The following KSR2 variants were observed in gnomAD, a reference collection of about 807,000 sequenced individuals.
KSR2 encodes the protein kinase suppressor of ras 2.
A neutral mutation model predicts 107.8 loss-of-function variants in KSR2; 25 were observed. The ratio of observed to expected loss-of-function variants is 0.23; its 90% CI spans 0.17 to 0.32. The LOEUF (loss-of-function observed/expected upper bound fraction) is 0.32, where lower values mean the gene tolerates loss of function less well. Ranked by LOEUF, KSR2 falls within the 10% of genes least tolerant of loss-of-function variation. The pLI, the probability that KSR2 is intolerant of heterozygous loss-of-function variation, is 1.00. For missense variants in KSR2, 887 were observed against 1,268.9 expected (o/e 0.70, Z 4.57); for synonymous variants, 480 against 507.0 (o/e 0.95, Z 0.71).
chr12:117,905,193 A>C (rs1303112854), intron 1 of KSR2, among the ~76,000 whole-genome samples: 1 of 152,182 alleles, frequency 6.6e-6, no homozygotes, highest in East Asian at 1.9e-4. Flanking sequence ...AAAATAACAT[A>C]ACATAACAAA....
chr12:117,664,129 C>T (rs1299414262), intron 5 of KSR2, among the ~76,000 whole-genome samples: 1 of 152,188 alleles, frequency 6.6e-6, no homozygotes, highest in Non-Finnish European at 1.5e-5. Flanking sequence ...TGAGCGAAGG[C>T]TCCTGCCATT....
chr12:117,964,369 C>A (rs1433988888), intron 1 of KSR2, among the ~76,000 whole-genome samples: 1 of 152,204 alleles, frequency 6.6e-6, no homozygotes, highest in Non-Finnish European at 1.5e-5. Context: ...TTAACTCAAC[C>A]CTTCCCAAAC....
At chr12:117,905,454 GC>G (rs1317743340) in intron 1 of KSR2, among the ~76,000 whole-genome samples, 1 of 152,104 alleles carries the variant, frequency 6.6e-6, no homozygotes, top group African/African-American at 2.4e-5. Context: ...ATCACTTCAT[GC>G]ACCATCAGTG....
intron 4 of KSR2, among the ~76,000 whole-genome samples, chr12:117,675,311 A>G (rs1885071244): frequency 6.6e-6 from 1 of 152,166 alleles, no homozygotes; most frequent in Admixed American, 6.5e-5. Flanking sequence ...TCCCACCTCA[A>G]GCAAGGACTA....
intron 3 of KSR2, among the ~76,000 whole-genome samples, chr12:117,848,518 G>A (rs1470776431): frequency 6.6e-6 from 1 of 152,218 alleles, no homozygotes; most frequent in Non-Finnish European, 1.5e-5. Flanking sequence ...CCAGGGAATG[G>A]TAGGTTACCT....
At chr12:117,743,129 C>A (rs1565991722) in intron 4 of KSR2, among the ~76,000 whole-genome samples, 1 of 152,258 alleles carries the variant, frequency 6.6e-6, no homozygotes. Context: ...CCCATACAAT[C>A]CAATTCGCCA....
chr12:117,776,292 C>T (rs886905058), intron 3 of KSR2, among the ~76,000 whole-genome samples: 1 of 152,136 alleles, frequency 6.6e-6, no homozygotes, highest in African/African-American at 2.4e-5. Flanking sequence ...TGATTATCAT[C>T]ATTCATTGGA....
chr12:117,761,537 A>G lies in KSR2; in HGVS notation c.473-13T>C. On this transcript the variant is annotated splice_polypyrimidine_tract_variant and intron_variant, in intron 3 of 19. Transcript: ENST00000339824. ...GAAAGGTTGCCTCCTGAGTTGGAAC[A>G]GAAGAGCAGAGACAATGGGTAAGCC... 1 of 1,612,922 alleles carries G rather than the reference A, an allele frequency of 6.2e-7. No homozygotes were observed. The highest frequency in any genetic ancestry group is 8.5e-7 in the Non-Finnish European group (1 of 1,179,760).
chr12:117,477,486 G>C (rs1263728083), intron 16 of KSR2, among the ~76,000 whole-genome samples: 2 of 152,194 alleles, frequency 1.3e-5, no homozygotes, highest in East Asian at 3.8e-4. Context: ...AGTAGGGAAA[G>C]AAGACAACAA....
chr12:117,736,937 C>T (rs1012196458), intron 4 of KSR2, among the ~76,000 whole-genome samples: 1 of 152,176 alleles, frequency 6.6e-6, no homozygotes, highest in African/African-American at 2.4e-5. Context: ...ACCAAGAACC[C>T]GGCTCCATGG....
chr12:117,621,392 A>T (rs1021117238), intron 5 of KSR2, among the ~76,000 whole-genome samples: 3 of 152,196 alleles, frequency 2.0e-5, no homozygotes, highest in African/African-American at 7.2e-5. Context: ...AAGAAAGATT[A>T]AAAGCACAGG....
intron 3 of KSR2, among the ~76,000 whole-genome samples, chr12:117,777,107 T>TAC (rs35481254): frequency 0.082 from 5,439 of 66,084 alleles, 140 homozygotes; most frequent in East Asian, 0.31. Context: ...TATATATATA[T>TAC]ACACACACAC....
intron 5 of KSR2, among the ~76,000 whole-genome samples, chr12:117,639,104 T>C (rs919517715): frequency 1.3e-5 from 2 of 152,130 alleles, no homozygotes; most frequent in Non-Finnish European, 2.9e-5. Flanking sequence ...CCACTTAGTT[T>C]TTGAAAATAT....
intron 1 of KSR2, among the ~76,000 whole-genome samples, chr12:117,931,825 C>T (rs986725845): frequency 6.6e-6 from 1 of 152,180 alleles, no homozygotes; most frequent in Non-Finnish European, 1.5e-5. Flanking sequence ...ACATTGAGTG[C>T]CTGTCACATA....
chr12:117,879,357 A>G (rs1893958379), intron 1 of KSR2, among the ~76,000 whole-genome samples: 2 of 152,184 alleles, frequency 1.3e-5, no homozygotes, highest in African/African-American at 2.4e-5. Context: ...ATGTATTTTA[A>G]ATTGAAATTC....
At chr12:117,921,834 C>T (rs145291379) in intron 1 of KSR2, among the ~76,000 whole-genome samples, 21 of 152,064 alleles carry the variant, frequency 1.4e-4, no homozygotes, top group African/African-American at 4.8e-4. Flanking sequence ...TCAGAATGTA[C>T]CCACGAGAAG....
chr12:117,863,864 C>G (rs1423117844), intron 1 of KSR2, among the ~76,000 whole-genome samples: 1 of 152,144 alleles, frequency 6.6e-6, no homozygotes, highest in Admixed American at 6.5e-5. Flanking sequence ...TCCACTTCCT[C>G]TATCACCACA....
chr12:117,743,434 G>A (rs755816197), intron 4 of KSR2, among the ~76,000 whole-genome samples: 3 of 152,222 alleles, frequency 2.0e-5, no homozygotes, highest in Non-Finnish European at 2.9e-5. Flanking sequence ...GAGAGAAGTG[G>A]AGAGAAAGCA....
intron 19 of KSR2, among the ~76,000 whole-genome samples, chr12:117,469,354 G>A (rs146660658): frequency 1.3e-4 from 20 of 152,276 alleles, no homozygotes; most frequent in African/African-American, 2.9e-4. Flanking sequence ...GGGCTTGGCA[G>A]GTTCAGACAT....
Sources: allele counts gnomAD v4.1 joint callset (sites outside exome capture counted in the v4.1 genomes callset), GRCh38; gene constraint gnomAD v4.1.1; transcripts MANE v1.5; gene names NCBI Gene and HGNC (gene_info 2026-07-23, HGNC 2026-07-21).